The following RSPO3 variants were observed in gnomAD, a reference collection of about 807,000 sequenced individuals.
RSPO3 encodes the protein R-spondin-3.
RSPO3 carries 17 observed loss-of-function variants against 36.5 expected under a neutral mutation model. That is an observed-to-expected ratio of 0.47 (90% CI 0.32 to 0.70). RSPO3 has a LOEUF of 0.70. Ranked by LOEUF, RSPO3 falls within the 30% of genes least tolerant of loss-of-function variation. The pLI is 0.04. For missense variants in RSPO3, 294 were observed against 322.5 expected (o/e 0.91, Z 0.68); for synonymous variants, 108 against 107.0 (o/e 1.01, Z -0.06).
intron 4 of RSPO3, among the ~76,000 whole-genome samples, chr6:127,173,364 G>T (rs1375607463): frequency 6.6e-6 from 1 of 151,810 alleles, no homozygotes; most frequent in African/African-American, 2.4e-5. Context: ...AAACAAAGGC[G>T]CTGTCAGTCA....
intron 4 of RSPO3, among the ~76,000 whole-genome samples, chr6:127,173,444 T>G (rs1163071201): frequency 6.6e-6 from 1 of 151,844 alleles, no homozygotes; most frequent in Non-Finnish European, 1.5e-5. Flanking sequence ...TAAATATAAA[T>G]CCTAATAAAG....
intron 4 of RSPO3, among the ~76,000 whole-genome samples, chr6:127,194,140 G>A (rs918136709): frequency 7.2e-5 from 11 of 152,112 alleles, no homozygotes; most frequent in Non-Finnish European, 1.3e-4. Context: ...CCGTATTGGC[G>A]TAGTATACCT....
At chr6:127,190,376 C>T (rs1775384025) in intron 4 of RSPO3, among the ~76,000 whole-genome samples, 1 of 151,972 alleles carries the variant, frequency 6.6e-6, no homozygotes, top group Non-Finnish European at 1.5e-5. Context: ...TGCAGTGAGC[C>T]AGGACTGCGC....
chr6:127,197,664 C>T lies in RSPO3; in HGVS notation c.*1657C>T. 2.9e-6 allele frequency: 3 copies of T among 1,038,698 alleles called. No individual in the cohort carries two copies. The East Asian group carries it at 7.9e-5, about 27-fold the overall frequency. The allele number at this position is 1,038,698 out of a possible 1,614,324, so 64.3% of individuals were successfully genotyped here. On this transcript the variant is annotated 3_prime_UTR_variant, in exon 5 of 5. Coordinates refer to ENST00000356698, the MANE Select transcript of RSPO3 (RefSeq NM_032784.5). ...TGGCTTCTGGCTGCTTATCTCTGGACACCCGTTCTCCACCAGTTGTACAGT... is the reference window on the plus strand; with the variant it reads ...TGGCTTCTGGCTGCTTATCTCTGGATACCCGTTCTCCACCAGTTGTACAGT...
At chr6:127,147,991 G>GAAGAATTC (rs1562244579) in intron 1 of RSPO3, among the ~76,000 whole-genome samples, 3 of 152,114 alleles carry the variant, frequency 2.0e-5, no homozygotes. Flanking sequence ...TTAAGCTCGT[G>GAAGAATTC]TGAGAAGAAA....
At position 127,118,827 on chromosome 6, in the gene RSPO3, C is replaced by CGCCGCTGCA. The variant is rs1228823800; in HGVS notation, c.-360_-352dup. On this transcript the variant is annotated 5_prime_UTR_variant, in exon 1 of 5. Coordinates refer to ENST00000356698, the MANE Select transcript of RSPO3 (RefSeq NM_032784.5). ...GCCGCAGCTTCTGAGCCCAAGGGGC[C>CGCCGCTGCA]GCCGCTGCAGCCGCCGCCGCCGCCG... is the stretch of plus-strand genomic sequence containing the variant. The CGCCGCTGCA allele has an allele frequency of 1.0e-4, 16 of 160,320 alleles. No individual in the cohort carries two copies. The East Asian group carries it at 2.7e-3, about 27-fold the overall frequency. 9.9% of individuals were successfully genotyped at this position (160,320 alleles called of 1,614,324 possible).
rs536686499 is a variant in RSPO3, at chr6:127,129,317, A to G, written c.97+10028A>G. Among the ~76,000 whole-genome samples the G allele has an allele frequency of 5.3e-5, 8 of 152,144 alleles. No homozygotes were observed. In the South Asian group the frequency reaches 1.7e-3, roughly 32 times the overall value. On this transcript the variant is annotated intron_variant, in intron 1 of 4. Coordinates refer to ENST00000356698, the MANE Select transcript of RSPO3 (RefSeq NM_032784.5). ...CGTGTTTATGAGTCTTTTTTAGTCC[A>G]TGAAGGATTTTCAAATCTTGCCATA...
intron 1 of RSPO3, 49 bp downstream of exon 1, chr6:127,119,338 T>C: frequency 1.4e-6 from 2 of 1,396,704 alleles, no homozygotes; most frequent in Non-Finnish European, 2.0e-6. Flanking sequence ...CGCGTTCACC[T>C]GTCGGGTCGC....
intron 4 of RSPO3, chr6:127,192,612 C>T: frequency 1.0e-6 from 1 of 975,556 alleles, no homozygotes; most frequent in Non-Finnish European, 1.2e-6. Context: ...AGCAAATTCT[C>T]TTTGATGTTT....
intron 1 of RSPO3, among the ~76,000 whole-genome samples, chr6:127,140,564 A>G (rs186182723): frequency 6.6e-6 from 1 of 152,342 alleles, no homozygotes; most frequent in Non-Finnish European, 1.5e-5. Context: ...AAAAGAGAAC[A>G]TATCTTCATG....
chr6:127,119,423 G>A, intron 1 of RSPO3, 134 bp downstream of exon 1: 2 of 673,848 alleles, frequency 3.0e-6, no homozygotes, highest in Non-Finnish European at 5.3e-6. Context: ...TGCAGGTTCG[G>A]GCTTTGGGGG....
At chr6:127,193,476 A>G (rs555803681) in intron 4 of RSPO3, among the ~76,000 whole-genome samples, 2 of 152,310 alleles carry the variant, frequency 1.3e-5, no homozygotes, top group African/African-American at 2.4e-5. Context: ...TTTCCATAAA[A>G]ATAACATTTT....
intron 3 of RSPO3, among the ~76,000 whole-genome samples, chr6:127,154,865 T>G (rs995993742): frequency 6.6e-6 from 1 of 152,172 alleles, no homozygotes; most frequent in Non-Finnish European, 1.5e-5. Context: ...GAATCAATTC[T>G]CTAGCACATA....
At position 127,158,592 on chromosome 6, in the gene RSPO3, A is replaced by G. The variant is rs148142032; in HGVS notation, c.634+3154A>G. On this transcript the variant is annotated intron_variant, in intron 4 of 4. Transcript: ENST00000356698. ...AAAATGTACACAAAGAAGAAGTTGA[A>G]TAGAAGAAAATAGTTTGTAGGAACA... Among the ~76,000 whole-genome samples the G allele has an allele frequency of 6.0e-3, 907 of 152,298 alleles. 34 individuals carry two copies. The highest frequency in any genetic ancestry group is 0.048 in the Admixed American group (728 of 15,298).
intron 1 of RSPO3, among the ~76,000 whole-genome samples, chr6:127,126,291 T>C (rs1773938195): frequency 6.6e-6 from 1 of 152,074 alleles, no homozygotes; most frequent in Admixed American, 6.6e-5. Context: ...ATGATGTTTA[T>C]TATTATCAAA....
In RSPO3 at chr6:127,119,250, G is replaced by T. The variant is rs1337872511; in HGVS notation, c.58G>T (p.Gly20Cys). 6.2e-7 allele frequency: 1 copy of T among 1,613,188 alleles called. No homozygotes were observed. Among genetic ancestry groups the T allele is most frequent in the Admixed American group, 1.7e-5 (1 of 59,866 alleles). The change falls in exon 1 of 5, where the codon GGC (glycine) becomes TGC (cysteine). Residue 20 changes from glycine (G) to cysteine (C), a missense_variant. Physicochemically the swap from Gly to Cys is radical, Grantham distance 159. Transcript: ENST00000356698. ...FIILNFMEYI[G>C]SQNASRGRRQ... ...CATTTTGAACTTTATGGAATACATCGGCAGCCAAAACGCCTCCCGGGGAAG... is the reference window on the plus strand; with the variant it reads ...CATTTTGAACTTTATGGAATACATCTGCAGCCAAAACGCCTCCCGGGGAAG...
chr6:127,119,063 T>G lies in RSPO3; in HGVS notation c.-130T>G. On this transcript the variant is annotated 5_prime_UTR_variant, in exon 1 of 5. An upstream open reading frame in the 5' UTR loses its in-frame stop. Transcript: ENST00000356698. Reference sequence around the variant, plus strand: ...GCCATCACAGCACGCCTATCGGATGTGAGAGGAGAAGTCCCGCTGCTCGGG... The same window carrying G: ...GCCATCACAGCACGCCTATCGGATGGGAGAGGAGAAGTCCCGCTGCTCGGG... 1 of 639,538 alleles carries G rather than the reference T, an allele frequency of 1.6e-6. No individual in the cohort carries two copies. Among genetic ancestry groups the G allele is most frequent in the Non-Finnish European group, 2.7e-6 (1 of 376,066 alleles). The allele number at this position is 639,538 out of a possible 1,614,324, so 39.6% of individuals were successfully genotyped here.
chr6:127,141,935 A>G (rs985950993), intron 1 of RSPO3, among the ~76,000 whole-genome samples: 10 of 152,234 alleles, frequency 6.6e-5, no homozygotes, highest in African/African-American at 2.4e-4. Context: ...ATATGTGCAC[A>G]TATTTAAATA....
chr6:127,192,084 C>T (rs2114274606), intron 4 of RSPO3, among the ~76,000 whole-genome samples: 1 of 152,258 alleles, frequency 6.6e-6, no homozygotes, highest in South Asian at 2.1e-4. Context: ...ATCATTACAT[C>T]AGGGGAATTA....
Sources: allele counts gnomAD v4.1 joint callset (sites outside exome capture counted in the v4.1 genomes callset), GRCh38; gene constraint gnomAD v4.1.1; transcripts MANE v1.5; gene names NCBI Gene and HGNC (gene_info 2026-07-23, HGNC 2026-07-21).